L3MBTL4: variants seen among roughly 807,000 people sequenced by gnomAD.
The protein encoded by L3MBTL4 is lethal(3)malignant brain tumor-like protein 4.
Under a neutral mutation model 84.5 loss-of-function variants are expected in L3MBTL4, and 70 were observed. That is an observed-to-expected ratio of 0.83 (90% CI 0.68 to 1.01). The LOEUF is 1.01. L3MBTL4 is among the 50% of genes least tolerant of loss of function. The probability of loss-of-function intolerance (pLI) is 0.00; values close to 1 mark genes in which losing one functional copy is unlikely to be tolerated. For synonymous variants in L3MBTL4, 274 were observed against 259.8 expected (o/e 1.05, Z -0.52); for missense variants, 715 against 754.8 (o/e 0.95, Z 0.62).
intron 16 of L3MBTL4, among the ~76,000 whole-genome samples, chr18:6,064,936 G>A (rs1229104991): frequency 1.3e-5 from 2 of 151,958 alleles, no homozygotes; most frequent in African/African-American, 4.8e-5. Flanking sequence ...CCAGTTCTCA[G>A]GGGGAATGCT....
intron 14 of L3MBTL4, among the ~76,000 whole-genome samples, chr18:6,125,950 G>A (rs9947265): frequency 0.016 from 2,392 of 152,174 alleles, 67 homozygotes; most frequent in African/African-American, 0.055. Context: ...CCAAAGACAC[G>A]AATTTATGGA....
intron 16 of L3MBTL4, among the ~76,000 whole-genome samples, chr18:6,010,657 T>C (rs1038737263): frequency 2.6e-5 from 4 of 152,222 alleles, no homozygotes; most frequent in Non-Finnish European, 5.9e-5. Context: ...CGCAACCCGC[T>C]TTAACCCATC....
At chr18:6,368,513 T>G (rs2054024761) in intron 1 of L3MBTL4, among the ~76,000 whole-genome samples, 1 of 152,146 alleles carries the variant, frequency 6.6e-6, no homozygotes, top group Non-Finnish European at 1.5e-5. Context: ...GCACTTTCCA[T>G]GCATTAACTC....
intron 16 of L3MBTL4, among the ~76,000 whole-genome samples, chr18:6,016,086 G>A (rs2054964507): frequency 6.6e-6 from 1 of 152,226 alleles, no homozygotes; most frequent in Non-Finnish European, 1.5e-5. Context: ...GACAGGGCAT[G>A]TCAGGAGACA....
chr18:6,309,539 A>G (rs1190664256), intron 3 of L3MBTL4, among the ~76,000 whole-genome samples: 1 of 152,258 alleles, frequency 6.6e-6, no homozygotes, highest in Non-Finnish European at 1.5e-5. Flanking sequence ...TTTAACAGAT[A>G]TTTTTGAAAA....
intron 16 of L3MBTL4, among the ~76,000 whole-genome samples, chr18:5,976,360 CT>C (rs962392729): frequency 6.6e-6 from 1 of 152,164 alleles, no homozygotes; most frequent in Non-Finnish European, 1.5e-5. Flanking sequence ...CCAGTAGAAA[CT>C]TTCAAACTCT....
At chr18:6,289,762 T>C (rs476278) in intron 4 of L3MBTL4, among the ~76,000 whole-genome samples, 1 of 152,120 alleles carries the variant, frequency 6.6e-6, no homozygotes, top group African/African-American at 2.4e-5. Flanking sequence ...GACAGTGAAA[T>C]GTTTATCTTG....
chr18:6,194,815 C>T (rs538101831), intron 12 of L3MBTL4, among the ~76,000 whole-genome samples: 34 of 152,220 alleles, frequency 2.2e-4, no homozygotes, highest in Non-Finnish European at 4.6e-4. Flanking sequence ...CATTGAGGGG[C>T]CCTGCCCAGG....
intron 4 of L3MBTL4, among the ~76,000 whole-genome samples, chr18:6,285,213 G>T (rs913106798): frequency 1.3e-5 from 2 of 152,220 alleles, no homozygotes; most frequent in Non-Finnish European, 2.9e-5. Flanking sequence ...AGCCCACGTG[G>T]GATGAGGTGG....
intron 12 of L3MBTL4, among the ~76,000 whole-genome samples, chr18:6,188,701 G>T (rs902193653): frequency 6.6e-6 from 1 of 152,174 alleles, no homozygotes; most frequent in Admixed American, 6.5e-5. Context: ...AAGCCATAGG[G>T]GCTGGCTGGC....
chr18:6,360,502 TTAAC>T (rs1393418357), intron 1 of L3MBTL4, among the ~76,000 whole-genome samples: 1 of 152,198 alleles, frequency 6.6e-6, no homozygotes, highest in Non-Finnish European at 1.5e-5. Flanking sequence ...CAAAAGCTAA[TTAAC>T]TCAGAAAGGA....
chr18:6,116,433 A>T (rs2059363492), intron 14 of L3MBTL4, among the ~76,000 whole-genome samples: 1 of 146,508 alleles, frequency 6.8e-6, no homozygotes, highest in Admixed American at 7.0e-5. Flanking sequence ...ACACGATCTC[A>T]GTTCACAGCA....
At chr18:6,134,782 G>C (rs957788255) in intron 14 of L3MBTL4, among the ~76,000 whole-genome samples, 1 of 152,198 alleles carries the variant, frequency 6.6e-6, no homozygotes, top group Non-Finnish European at 1.5e-5. Flanking sequence ...TCATAGGCTG[G>C]TGTTGAGTGC....
At chr18:6,264,542 G>A (rs770508568) in intron 4 of L3MBTL4, among the ~76,000 whole-genome samples, 9 of 152,132 alleles carry the variant, frequency 5.9e-5, no homozygotes, top group African/African-American at 7.2e-5. Flanking sequence ...CCAGCACTTC[G>A]GGAGGCCAAG....
intron 5 of L3MBTL4, among the ~76,000 whole-genome samples, chr18:6,258,136 T>C (rs1169170466): frequency 6.6e-6 from 1 of 152,082 alleles, no homozygotes; most frequent in Non-Finnish European, 1.5e-5. Context: ...TGAGTGATGG[T>C]CTGCAGGGGG....
intron 10 of L3MBTL4, among the ~76,000 whole-genome samples, chr18:6,222,342 G>T (rs1787328463): frequency 2.0e-5 from 3 of 152,088 alleles, no homozygotes; most frequent in South Asian, 4.1e-4. Flanking sequence ...TTTTATAATT[G>T]ATTGTTTTGC....
chr18:6,196,366 C>T (rs2045393026), intron 12 of L3MBTL4, among the ~76,000 whole-genome samples: 1 of 152,202 alleles, frequency 6.6e-6, no homozygotes, highest in African/African-American at 2.4e-5. Context: ...ACCGTGTTGG[C>T]CAGGATGGTC....
At chr18:5,967,683 G>A (rs2052421078) in intron 17 of L3MBTL4, among the ~76,000 whole-genome samples, 2 of 152,198 alleles carry the variant, frequency 1.3e-5, no homozygotes, top group Admixed American at 1.3e-4. Flanking sequence ...CCCTGCCAGA[G>A]GTGACCTCTG....
chr18:6,227,778 C>T (rs2145951151), intron 10 of L3MBTL4, among the ~76,000 whole-genome samples: 1 of 152,262 alleles, frequency 6.6e-6, no homozygotes, highest in African/African-American at 2.4e-5. Flanking sequence ...CTCAAGCGAT[C>T]CTCCCACCTC....
Sources: gnomAD v4.1 joint callset for allele counts (sites outside exome capture counted in the v4.1 genomes callset) on GRCh38, gnomAD v4.1.1 for gene constraint, MANE v1.5 for transcripts, NCBI Gene and HGNC (gene_info 2026-07-23, HGNC 2026-07-21) for gene names.